The following MAML3 variants were observed in gnomAD, a reference collection of about 807,000 sequenced individuals.
The protein encoded by MAML3 is mastermind-like protein 3.
A neutral mutation model predicts 101.9 loss-of-function variants in MAML3; 27 were observed. The ratio of observed to expected loss-of-function variants is 0.27; its 90% CI spans 0.20 to 0.37. The LOEUF (loss-of-function observed/expected upper bound fraction) is 0.37, where lower values mean the gene tolerates loss of function less well. MAML3 is among the 10% of genes least tolerant of loss of function. The pLI is 1.00. For missense variants in MAML3, 1,316 were observed against 1,444.9 expected (o/e 0.91, Z 1.45); for synonymous variants, 501 against 555.9 (o/e 0.90, Z 1.39).
intron 1 of MAML3, among the ~76,000 whole-genome samples, chr4:139,931,613 G>A (rs1259455657): frequency 6.6e-6 from 1 of 152,128 alleles, no homozygotes; most frequent in East Asian, 1.9e-4. Flanking sequence ...AGAAGCCTTT[G>A]TCTTCCTTCT....
intron 2 of MAML3, among the ~76,000 whole-genome samples, chr4:139,819,222 T>C (rs74344942): frequency 0.01 from 1,531 of 152,216 alleles, 11 homozygotes; most frequent in African/African-American, 0.021. Flanking sequence ...GCAGAGCATT[T>C]CAGGCCAGTC....
intron 2 of MAML3, among the ~76,000 whole-genome samples, chr4:139,863,267 G>A (rs894552342): frequency 2.4e-4 from 36 of 151,544 alleles, no homozygotes; most frequent in Admixed American, 1.7e-3. Context: ...AAAAAATATG[G>A]TAAGTCTTAT....
rs141723979 is a variant in MAML3, at chr4:139,891,191, CAA to C, written c.469-226_469-225del. ...ACAGGGCTAAGAGATAGAAAACAAA[CAA>C]AAGATTGAAGGGTGGGAAACAAAAG... On this transcript the variant is annotated intron_variant, in intron 1 of 4. Coordinates refer to ENST00000509479, the MANE Select transcript of MAML3 (RefSeq NM_018717.5). 7.7e-3 allele frequency among the ~76,000 whole-genome samples: 1,171 copies of C among 152,188 alleles called. 11 individuals are homozygous for C. Among genetic ancestry groups the C allele is most frequent in the African/African-American group, 0.026 (1,100 of 41,526 alleles).
At chr4:139,752,374 C>A (rs1729526904) in intron 2 of MAML3, among the ~76,000 whole-genome samples, 1 of 152,192 alleles carries the variant, frequency 6.6e-6, no homozygotes, top group African/African-American at 2.4e-5. Flanking sequence ...GGCTCCTATA[C>A]AACCACCAGG....
chr4:140,154,110 C>CCGT lies in MAML3; in HGVS notation c.-784_-783insACG. ...CACCATCACAATGATCAACTGCTCG[C>CCGT]CGCCGCCGCCGCCGCCGCCTCCTCC... On this transcript the variant is annotated 5_prime_UTR_variant, in exon 1 of 5. Transcript: ENST00000509479. The CCGT allele has an allele frequency of 5.6e-6, 1 of 178,578 alleles. No individual in the cohort carries two copies. The highest frequency in any genetic ancestry group is 1.2e-5 in the Non-Finnish European group (1 of 84,766). The allele number at this position is 178,578 out of a possible 1,614,324, so 11.1% of individuals were successfully genotyped here. A position where few individuals can be genotyped will look rare whatever the true frequency, so the allele number is the denominator to read the frequency against.
chr4:140,079,019 G>C lies in MAML3; in HGVS notation c.468+73841C>G, dbSNP rs76731416. On this transcript the variant is annotated intron_variant, in intron 1 of 4. Coordinates refer to ENST00000509479, the MANE Select transcript of MAML3 (RefSeq NM_018717.5). The stretch of plus-strand genomic sequence containing the variant: ...GCAGGTCTCTGCTGATACAGATATG[G>C]GAAGTCCACCTTCTGAATCCCATGC... 5.9e-3 allele frequency among the ~76,000 whole-genome samples: 900 copies of C among 152,224 alleles called. 8 individuals are homozygous for C. The highest frequency in any genetic ancestry group is 0.021 in the African/African-American group (863 of 41,528).
chr4:140,132,183 G>C (rs887842452), intron 1 of MAML3, among the ~76,000 whole-genome samples: 2 of 152,238 alleles, frequency 1.3e-5, no homozygotes, highest in African/African-American at 4.8e-5. Flanking sequence ...ATACAGAAAA[G>C]GAGGAGAGGC....
chr4:139,953,433 C>A (rs974627651), intron 1 of MAML3, among the ~76,000 whole-genome samples: 8 of 152,132 alleles, frequency 5.3e-5, no homozygotes, highest in Non-Finnish European at 8.8e-5. Flanking sequence ...TCAGACCAGA[C>A]TGGCCAACAT....
At chr4:140,060,818 C>T (rs987316628) in intron 1 of MAML3, among the ~76,000 whole-genome samples, 1 of 152,024 alleles carries the variant, frequency 6.6e-6, no homozygotes, top group Non-Finnish European at 1.5e-5. Flanking sequence ...TGACCTATTC[C>T]TAATTACGAT....
intron 1 of MAML3, among the ~76,000 whole-genome samples, chr4:140,109,178 G>C (rs922445983): frequency 7.2e-5 from 11 of 152,138 alleles, no homozygotes; most frequent in African/African-American, 2.4e-4. Context: ...AAAAAAAGAG[G>C]AAAGGGGAGG....
At chr4:139,839,501 C>T (rs1245614225) in intron 2 of MAML3, among the ~76,000 whole-genome samples, 2 of 148,270 alleles carry the variant, frequency 1.3e-5, no homozygotes, top group Admixed American at 1.4e-4. Context: ...AGGGTTCTTT[C>T]GTTGGCATTC....
chr4:140,126,004 C>T (rs1728677270), intron 1 of MAML3, among the ~76,000 whole-genome samples: 4 of 152,094 alleles, frequency 2.6e-5, no homozygotes, highest in Admixed American at 2.6e-4. Flanking sequence ...TCTCGAACTC[C>T]TGACCTCGTG....
chr4:139,832,002 C>T (rs1225593132), intron 2 of MAML3, among the ~76,000 whole-genome samples: 3 of 151,544 alleles, frequency 2.0e-5, no homozygotes, highest in African/African-American at 7.3e-5. Flanking sequence ...ACCATGTTAG[C>T]CAGGATGGTC....
At chr4:139,973,458 G>C (rs1877076) in intron 1 of MAML3, among the ~76,000 whole-genome samples, 2 of 152,024 alleles carry the variant, frequency 1.3e-5, no homozygotes, top group Non-Finnish European at 2.9e-5. Flanking sequence ...TCGTTTGGGC[G>C]GGTCTACGTC....
At chr4:139,888,571 A>G (rs775188897) in intron 2 of MAML3, 7 of 519,012 alleles carry the variant, frequency 1.3e-5, no homozygotes, top group South Asian at 9.8e-5. Flanking sequence ...AAGCTTGTCA[A>G]TGACTATTCA....
rs568356908 is a variant in MAML3 at position 140,091,049 on chromosome 4, C to G, written c.468+61811G>C. On this transcript the variant is annotated intron_variant, in intron 1 of 4. Coordinates refer to ENST00000509479, the MANE Select transcript of MAML3 (RefSeq NM_018717.5). ...TGGGCAACAGAGCGAGATTCTGTCT[C>G]AAAACCAAAACCAAAACAACAACAA... is the stretch of plus-strand genomic sequence containing the variant. Among the ~76,000 whole-genome samples the G allele has an allele frequency of 1.5e-4, 17 of 112,636 alleles. No individual in the cohort carries two copies. In the East Asian group the frequency reaches 4.7e-3, roughly 31 times the overall value. 73.9% of individuals were successfully genotyped at this position (112,636 alleles called of 152,430 possible).
intron 1 of MAML3, among the ~76,000 whole-genome samples, chr4:140,091,949 A>G (rs1442766953): frequency 2.0e-5 from 3 of 151,262 alleles, no homozygotes; most frequent in Non-Finnish European, 4.4e-5. Flanking sequence ...TTTATTTCCT[A>G]TCTATTTATT....
intron 1 of MAML3, among the ~76,000 whole-genome samples, chr4:139,936,235 A>T (rs1733502925): frequency 6.6e-6 from 1 of 152,162 alleles, no homozygotes; most frequent in Non-Finnish European, 1.5e-5. Context: ...CATTGTTTAT[A>T]TGTGTGTATA....
At chr4:139,967,319 G>A (rs938192376) in intron 1 of MAML3, among the ~76,000 whole-genome samples, 1 of 152,140 alleles carries the variant, frequency 6.6e-6, no homozygotes, top group African/African-American at 2.4e-5. Flanking sequence ...TGCCCTTCCT[G>A]TGGGTAGCAT....
Sources: allele counts gnomAD v4.1 joint callset (sites outside exome capture counted in the v4.1 genomes callset), GRCh38; gene constraint gnomAD v4.1.1; transcripts MANE v1.5; gene names NCBI Gene and HGNC (gene_info 2026-07-23, HGNC 2026-07-21).